HEXB: variants seen among roughly 807,000 people sequenced by gnomAD.
HEXB encodes the protein beta-hexosaminidase subunit beta.
Under a neutral mutation model 71.2 loss-of-function variants are expected in HEXB, and 51 were observed. That is an observed-to-expected ratio of 0.72 (90% CI 0.57 to 0.90). The LOEUF is 0.90. Ranked by LOEUF, HEXB falls within the 40% of genes least tolerant of loss-of-function variation. The pLI is 0.00. For missense variants in HEXB, 617 were observed against 677.0 expected (o/e 0.91, Z 0.98); for synonymous variants, 266 against 249.3 (o/e 1.07, Z -0.63).
At chr5:74,643,056 G>A (rs1320988068) in intron 1 of HEXB, among the ~76,000 whole-genome samples, 1 of 152,158 alleles carries the variant, frequency 6.6e-6, no homozygotes, top group Non-Finnish European at 1.5e-5. Flanking sequence ...CTAAAAACTG[G>A]AAAACATTTT....
chr5:74,665,609 C>T (rs1440210860), intron 1 of HEXB, among the ~76,000 whole-genome samples: 1 of 152,142 alleles, frequency 6.6e-6, no homozygotes, highest in Non-Finnish European at 1.5e-5. Context: ...TAATGAGAAA[C>T]TGGGAAGAAG....
exon 1 of HEXB, chr5:74,640,302 C>G (rs1747809354): frequency 6.5e-6 from 1 of 152,838 alleles, no homozygotes. Context: ...GTGGGGGAAA[C>G]TTACAGCAGT....
intron 1 of HEXB, among the ~76,000 whole-genome samples, chr5:74,657,191 C>T (rs1748235729): frequency 6.6e-6 from 1 of 152,078 alleles, no homozygotes; most frequent in Non-Finnish European, 1.5e-5. Context: ...ACACTTTATA[C>T]CCTCCAGTGG....
At chr5:74,720,381 T>A (rs1240615573) in intron 11 of HEXB, 47 bp from the exon 12 acceptor site, 1 of 1,279,548 alleles carries the variant, frequency 7.8e-7, no homozygotes, top group African/African-American at 1.5e-5. Context: ...ATTGCCTCTG[T>A]GTATAAGCTT....
chr5:74,649,021 A>C (rs1748054353), intron 1 of HEXB, among the ~76,000 whole-genome samples: 1 of 152,198 alleles, frequency 6.6e-6, no homozygotes, highest in African/African-American at 2.4e-5. Context: ...GAAGGGTCTG[A>C]AGATATTCAA....
chr5:74,689,869 T>G (rs774569042), intron 2 of HEXB: 4 of 199,964 alleles, frequency 2.0e-5, no homozygotes, highest in Non-Finnish European at 3.1e-5. Context: ...ATATCATGCT[T>G]TTTTGCAAAA....
At chr5:74,716,532 T>C (rs1749676352) in intron 8 of HEXB, 55 bp from the exon 9 acceptor site, 1 of 1,075,944 alleles carries the variant, frequency 9.3e-7, no homozygotes, top group Admixed American at 1.7e-5. Context: ...CTGCTCTAAA[T>C]AATAAACTGA....
chr5:74,718,535 A>G (rs768650550), intron 10 of HEXB, among the ~76,000 whole-genome samples, 172 bp downstream of exon 10: 8 of 152,214 alleles, frequency 5.3e-5, no homozygotes, highest in Non-Finnish European at 8.8e-5. Flanking sequence ...CTAAAATGCA[A>G]GTCTCAGCTT....
chr5:74,714,366 G>T (rs1273973099), intron 7 of HEXB, among the ~76,000 whole-genome samples: 1 of 152,202 alleles, frequency 6.6e-6, no homozygotes, highest in East Asian at 1.9e-4. Context: ...ATTACAAAAA[G>T]TAGAACATGA....
In HEXB at chr5:74,721,236, T is replaced by C; in HGVS notation, c.*61T>C. 7.7e-7 allele frequency: 1 copy of C among 1,298,746 alleles called. No individual in the cohort carries two copies. Among genetic ancestry groups the C allele is most frequent in the Non-Finnish European group, 1.1e-6 (1 of 893,722 alleles). The allele number at this position is 1,298,746 out of a possible 1,614,324, so 80.5% of individuals were successfully genotyped here. ...TACAATCAACTTTATTTTGAAATCA[T>C]GTAAAATAAGATATTAGACTGTTTT... is the stretch of plus-strand genomic sequence containing the variant. On this transcript the variant is annotated 3_prime_UTR_variant, in exon 14 of 14. Transcript: ENST00000261416.
chr5:74,667,765 C>T (rs762959974), intron 1 of HEXB, among the ~76,000 whole-genome samples: 65 of 152,152 alleles, frequency 4.3e-4, no homozygotes, highest in Non-Finnish European at 5.4e-4. Context: ...TCCCTAACCC[C>T]GTGTCGTTAG....
At chr5:74,680,617 A>C (rs1748720784), upstream of HEXB, among the ~76,000 whole-genome samples, 1 of 152,222 alleles carries the variant, frequency 6.6e-6, no homozygotes, top group African/African-American at 2.4e-5. Flanking sequence ...TGTGGTCAGA[A>C]AGTATACTCC....
intron 6 of HEXB, among the ~76,000 whole-genome samples, chr5:74,712,454 T>C (rs565547754): frequency 2.0e-5 from 3 of 152,292 alleles, no homozygotes; most frequent in African/African-American, 7.2e-5. Flanking sequence ...AGAAATGCTT[T>C]AAATTTTAAA....
intron 3 of HEXB, 33 bp from the exon 4 acceptor site, chr5:74,696,660 A>G: frequency 8.8e-7 from 1 of 1,140,936 alleles, no homozygotes; most frequent in Non-Finnish European, 1.3e-6. Flanking sequence ...TTGTTGATTT[A>G]TAAATTAATG....
chr5:74,645,844 A>G (rs1747992627), intron 1 of HEXB, among the ~76,000 whole-genome samples: 1 of 152,258 alleles, frequency 6.6e-6, no homozygotes, highest in Non-Finnish European at 1.5e-5. Flanking sequence ...AATGTATGGT[A>G]GAAATATAGA....
intron 7 of HEXB, 71 bp from the exon 8 acceptor site, chr5:74,715,439 A>C: frequency 9.5e-7 from 1 of 1,052,172 alleles, no homozygotes; most frequent in Admixed American, 1.8e-5. Flanking sequence ...GACGTAGTAA[A>C]ATCATGTGGA....
intron 1 of HEXB, among the ~76,000 whole-genome samples, chr5:74,678,764 A>G (rs1748682423): frequency 6.6e-6 from 1 of 152,218 alleles, no homozygotes; most frequent in Admixed American, 6.5e-5. Flanking sequence ...AAATAAAGGT[A>G]AAAGAAAATT....
At chr5:74,650,889 G>A (rs371594538) in intron 1 of HEXB, among the ~76,000 whole-genome samples, 1,616 of 138,148 alleles carry the variant, frequency 0.012, 25 homozygotes, top group African/African-American at 0.041. Flanking sequence ...TCACGCCACT[G>A]CACTCCAGCC....
At chr5:74,704,863 G>T (rs183995762) in intron 5 of HEXB, among the ~76,000 whole-genome samples, 5 of 152,132 alleles carry the variant, frequency 3.3e-5, no homozygotes, top group African/African-American at 4.8e-5. Flanking sequence ...AGGCCAAGGC[G>T]GGTGGTTGGC....
Sources: gnomAD v4.1 joint callset for allele counts (sites outside exome capture counted in the v4.1 genomes callset) on GRCh38, gnomAD v4.1.1 for gene constraint, MANE v1.5 for transcripts, NCBI Gene and HGNC (gene_info 2026-07-23, HGNC 2026-07-21) for gene names.